The following PITRM1 variants were observed in gnomAD, a reference collection of about 807,000 sequenced individuals.
PITRM1 encodes pitrilysin metallopeptidase 1, also known as presequence protease, mitochondrial.
Under a neutral mutation model 129.9 loss-of-function variants are expected in PITRM1, and 100 were observed. The ratio of observed to expected loss-of-function variants is 0.77; its 90% confidence interval spans 0.65 to 0.91. The LOEUF is 0.91. PITRM1 is among the 40% of genes least tolerant of loss of function. The pLI, the probability that PITRM1 is intolerant of heterozygous loss-of-function variation, is 0.00. For synonymous variants in PITRM1, 591 were observed against 508.8 expected (o/e 1.16, Z -2.17); for missense variants, 1,471 against 1,318.3 (o/e 1.12, Z -1.79).
In PITRM1 at chr10:3,163,791, A is replaced by G; in HGVS notation, c.725T>C (p.Ile242Thr). Residue 242 changes from isoleucine (I) to threonine (T), a missense_variant, in exon 7 of 27, where the codon ATC (isoleucine) becomes ACC (threonine). Ile to Thr is a moderately conservative substitution (Grantham distance 89). Transcript: ENST00000224949. ...SVVSGGDPLC[I>T]PELTWEQLKQ... The stretch of plus-strand genomic sequence containing the variant: ...AAGCTGCTCCCATGTAAGCTCCGGG[A>G]TGCACAGTGGGTCACCCCCGGAGAC... 1.2e-6 allele frequency: 2 copies of G among 1,613,442 alleles called. No individual in the cohort carries two copies. The highest frequency in any genetic ancestry group is 1.7e-6 in the Non-Finnish European group (2 of 1,179,600).
chr10:3,138,869 G>A (rs1839890954), intron 25 of PITRM1, 35 bp downstream of exon 25: 2 of 1,607,644 alleles, frequency 1.2e-6, no homozygotes, highest in Non-Finnish European at 1.7e-6. Context: ...CTGTGAGGCT[G>A]TGGGTTGAGA....
chr10:3,141,523 C>T (rs1195152086), intron 23 of PITRM1: 2 of 263,086 alleles, frequency 7.6e-6, no homozygotes, highest in Non-Finnish European at 1.7e-5. Flanking sequence ...AACACACACT[C>T]TCTGATAAAG....
chr10:3,157,538 A>G lies in PITRM1; in HGVS notation c.1251-7T>C, dbSNP rs1842077456. 1.3e-6 allele frequency: 2 copies of G among 1,551,464 alleles called. No individual in the cohort carries two copies. The highest frequency in any genetic ancestry group is 1.8e-6 in the Non-Finnish European group (2 of 1,128,930). Reference sequence around the variant, plus strand: ...ATCATCTTCAAATCCTTTCCTAAAGAATACAATGAAGAACAAAGATGGGCC... The same window carrying G: ...ATCATCTTCAAATCCTTTCCTAAAGGATACAATGAAGAACAAAGATGGGCC... On this transcript the variant is annotated splice_polypyrimidine_tract_variant and splice_region_variant and intron_variant, in intron 11 of 26. Transcript: ENST00000224949.
Position 3,170,009 on chromosome 10 carries a change from C to T in PITRM1, c.159+95G>A, listed in dbSNP as rs1843202524. On this transcript the variant is annotated intron_variant, in intron 2 of 26. Transcript: ENST00000224949. Reference sequence around the variant, plus strand: ...GGGCCTTGGGACACAAGGACAAAAACGCTAGTCTCCGCCCTGAAGGGCTCC... The same window carrying T: ...GGGCCTTGGGACACAAGGACAAAAATGCTAGTCTCCGCCCTGAAGGGCTCC... The T allele has an allele frequency of 3.0e-5, 25 of 836,078 alleles. 1 individual carries two copies. The Middle Eastern group carries it at 1.6e-3, about 54-fold the overall frequency. The allele number at this position is 836,078 out of a possible 1,614,324, so 51.8% of individuals were successfully genotyped here.
intron 15 of PITRM1, chr10:3,151,038 ACG>A: frequency 1.9e-5 from 10 of 522,884 alleles, no homozygotes; most frequent in South Asian, 1.4e-4. Context: ...ACACACACAC[ACG>A]GGCTCTTACT....
In PITRM1 at chr10:3,149,632, G is replaced by A. The variant is rs370694064; in HGVS notation, c.1860C>T (p.Ser620=). The A allele has an allele frequency of 8.3e-6, 13 of 1,569,102 alleles. No homozygotes were observed. The highest frequency in any genetic ancestry group is 4.1e-5 in the African/African-American group (3 of 72,676). The change falls in exon 16 of 27, where the codon AGC becomes AGT. Residue 620 remains serine (S), a synonymous_variant. Coordinates refer to ENST00000224949, the MANE Select transcript of PITRM1 (RefSeq NM_014889.4). ...GTTGCGACTCGTACTTGGTGAGGAC[G>A]CTGCAGAAGAGGGGCACATAGGGCC... ...ELRPYVPLFC[S]VLTKLGCGLL...
chr10:3,172,129 T>C (rs2132539884), intron 1 of PITRM1: 1 of 454,782 alleles, frequency 2.2e-6, no homozygotes. Context: ...GCCGAACTCA[T>C]GCCACGGACG....
chr10:3,157,295 A>C, intron 12 of PITRM1, 140 bp downstream of exon 12: 1 of 635,714 alleles, frequency 1.6e-6, no homozygotes, highest in Non-Finnish European at 2.6e-6. Context: ...TTAGGAAATA[A>C]CCAACAGATT....
intron 25 of PITRM1, 83 bp from the exon 26 acceptor site, chr10:3,138,420 A>G: frequency 1.1e-6 from 1 of 882,612 alleles, no homozygotes; most frequent in Non-Finnish European, 1.9e-6. Flanking sequence ...CGGAGGGGAC[A>G]CAGGCATCTC....
chr10:3,166,931 C>T lies in PITRM1; in HGVS notation c.266+5G>A. 6.5e-7 allele frequency: 1 copy of T among 1,541,050 alleles called. No individual in the cohort carries two copies. The highest frequency in any genetic ancestry group is 8.9e-7 in the Non-Finnish European group (1 of 1,119,094). On this transcript the variant is annotated splice_donor_5th_base_variant and intron_variant, in intron 3 of 26. Transcript: ENST00000224949. ...AAGACCATGTTCTTACAATGCACCA[C>T]ACACCTGAACAGATTATTCGTGTCT...
At chr10:3,140,852 T>TAA (rs138821734) in intron 23 of PITRM1, 40 bp from the exon 24 acceptor site, 33 of 1,485,278 alleles carry the variant, frequency 2.2e-5, no homozygotes, top group Admixed American at 1.4e-4. Flanking sequence ...CCGTGGCTGA[T>TAA]AAAAAAGCAT....
Position 3,144,059 on chromosome 10 carries a change from C to T in PITRM1, c.2532+233G>A, listed in dbSNP as rs1394166216. Reference sequence around the variant, plus strand: ...GGCACAGGGAAGACGCACCCCATACCAGGGCCCTCCTCGGCACAGGAGGAC... The same window carrying T: ...GGCACAGGGAAGACGCACCCCATACTAGGGCCCTCCTCGGCACAGGAGGAC... On this transcript the variant is annotated intron_variant, in intron 22 of 26. Coordinates refer to ENST00000224949, the MANE Select transcript of PITRM1 (RefSeq NM_014889.4). The T allele has an allele frequency of 5.1e-6, 3 of 586,608 alleles. No individual in the cohort carries two copies. In the South Asian group the frequency reaches 6.2e-5, roughly 12 times the overall value. The allele number at this position is 586,608 out of a possible 1,614,324, so 36.3% of individuals were successfully genotyped here.
At chr10:3,153,573 C>A (rs557508827) in intron 14 of PITRM1, among the ~76,000 whole-genome samples, 1 of 151,774 alleles carries the variant, frequency 6.6e-6, no homozygotes. Context: ...GAGCCGAGAT[C>A]GTGCCACTGC....
intron 20 of PITRM1, chr10:3,146,870 A>C: frequency 4.4e-6 from 1 of 224,786 alleles, no homozygotes; most frequent in Non-Finnish European, 8.7e-6. Flanking sequence ...CTTTACAGAT[A>C]CCTCAGTTAC....
intron 2 of PITRM1, 51 bp downstream of exon 2, chr10:3,170,053 G>A (rs1024748481): frequency 2.5e-5 from 34 of 1,369,292 alleles, no homozygotes; most frequent in South Asian, 4.7e-5. Context: ...GCCAGAAGCC[G>A]CACCTGCAAT....
chr10:3,154,891 C>CCA lies in PITRM1; in HGVS notation c.1621+698_1621+699dup, dbSNP rs367575517. Among the ~76,000 whole-genome samples the CCA allele has an allele frequency of 6.6e-4, 100 of 152,308 alleles. 1 individual carries two copies. Among genetic ancestry groups the CCA allele is most frequent in the African/African-American group, 2.1e-3 (88 of 41,554 alleles). The stretch of plus-strand genomic sequence containing the variant: ...CGTCTCACTTTTCTTTTCACTCCCA[C>CCA]CATCCTGGCCTAGGTCGTCATGTCA... On this transcript the variant is annotated intron_variant, in intron 14 of 26. Coordinates refer to ENST00000224949, the MANE Select transcript of PITRM1 (RefSeq NM_014889.4).
At chr10:3,142,009 A>G (rs959474796) in intron 23 of PITRM1, among the ~76,000 whole-genome samples, 34 of 152,210 alleles carry the variant, frequency 2.2e-4, no homozygotes, top group Non-Finnish European at 2.4e-4. Flanking sequence ...TTACTTGTAT[A>G]TTAAAAACAT....
At chr10:3,158,765 T>C (rs1209729468) in intron 10 of PITRM1, 149 bp downstream of exon 10, 3 of 705,660 alleles carry the variant, frequency 4.3e-6, no homozygotes, top group South Asian at 4.0e-5. Context: ...AGCAACTTCC[T>C]GGTCCGCCAT....
chr10:3,138,675 T>C (rs920823616), intron 25 of PITRM1: 2 of 649,590 alleles, frequency 3.1e-6, no homozygotes, highest in African/African-American at 1.8e-5. Context: ...GACACTGCCA[T>C]GGGTTGGCCC....
Sources: gnomAD v4.1 joint callset for allele counts (sites outside exome capture counted in the v4.1 genomes callset) on GRCh38, gnomAD v4.1.1 for gene constraint, MANE v1.5 for transcripts, NCBI Gene and HGNC (gene_info 2026-07-23, HGNC 2026-07-21) for gene names.